The following ECT2 variants were observed in gnomAD, a reference collection of about 807,000 sequenced individuals.
The protein encoded by ECT2 is epithelial cell transforming 2, also known as protein ECT2.
ECT2 carries 61 observed loss-of-function variants against 116.9 expected under a neutral mutation model. The observed-to-expected ratio is 0.52, with a 90% CI of 0.42 to 0.65. ECT2 has a LOEUF of 0.65. Among genes scored for constraint, ECT2 ranks in the 30% least tolerant of loss-of-function variants. ECT2 has a pLI of 0.00. For missense variants in ECT2, 937 were observed against 1,078.7 expected (o/e 0.87, Z 1.84); for synonymous variants, 358 against 346.4 (o/e 1.03, Z -0.37).
intron 18 of ECT2, among the ~76,000 whole-genome samples, chr3:172,797,263 G>A (rs1187195683): frequency 2.0e-5 from 3 of 151,770 alleles, no homozygotes; most frequent in African/African-American, 7.2e-5. Context: ...TCAAACTCCA[G>A]GGTTCAAGCA....
At position 172,760,216 on chromosome 3, in the gene ECT2, A is replaced by C; in HGVS notation, c.637A>C (p.Lys213Gln). The C allele has an allele frequency of 6.2e-7, 1 of 1,612,464 alleles. No homozygotes were observed. The highest frequency in any genetic ancestry group is 8.5e-7 in the Non-Finnish European group (1 of 1,179,142). The change falls in exon 7 of 25, where the codon AAA becomes CAA. Residue 213 changes from lysine (K) to glutamine (Q), a missense_variant. Transcript: ENST00000392692. ...GGVIRKDFNS[K>Q]VTHLVANCTQ... ...AGTTATTCGAAAAGACTTTAATTCAAAAGTTACACATTTGGTGGCAAATTG... is the reference window on the plus strand; with the variant it reads ...AGTTATTCGAAAAGACTTTAATTCACAAGTTACACATTTGGTGGCAAATTG...
chr3:172,761,670 A>G lies in ECT2; in HGVS notation c.745A>G (p.Arg249Gly). ...KPEWIYKAWE[R>G]RNEQDFYAAV... is the part of the protein sequence containing the mutation. ...AGAATGGATTTATAAAGCTTGGGAA[A>G]GGCGGAATGAACAGTAAGTGTTTAG... The change falls in exon 8 of 25, where the codon AGG becomes GGG. Residue 249 changes from arginine to glycine, a missense_variant. Physicochemically the swap from Arg to Gly is moderately radical, Grantham distance 125. Coordinates refer to ENST00000392692, the MANE Select transcript of ECT2 (RefSeq NM_001258315.2). 1 of 1,609,426 alleles carries G rather than the reference A, an allele frequency of 6.2e-7. No individual in the cohort carries two copies. Among genetic ancestry groups the G allele is most frequent in the Non-Finnish European group, 8.5e-7 (1 of 1,176,498 alleles).
intron 18 of ECT2, among the ~76,000 whole-genome samples, chr3:172,801,486 G>A (rs1188418768): frequency 1.3e-5 from 2 of 152,084 alleles, no homozygotes; most frequent in Admixed American, 6.6e-5. Flanking sequence ...ATTTTTTAAC[G>A]TGTCTTCCCT....
At chr3:172,824,462 G>A (rs1160237557), downstream of ECT2, among the ~76,000 whole-genome samples, 1 of 152,086 alleles carries the variant, frequency 6.6e-6, no homozygotes, top group Non-Finnish European at 1.5e-5. Flanking sequence ...ACAGCACCAG[G>A]GGGATGGTGC....
intron 16 of ECT2, among the ~76,000 whole-genome samples, chr3:172,784,453 A>C (rs1448145519): frequency 6.6e-6 from 1 of 152,162 alleles, no homozygotes; most frequent in East Asian, 1.9e-4. Flanking sequence ...AGACTTAAGA[A>C]AAATTTAAGG....
chr3:172,768,549 TTA>T (rs1719975631), intron 12 of ECT2, among the ~76,000 whole-genome samples: 1 of 152,224 alleles, frequency 6.6e-6, no homozygotes, highest in Non-Finnish European at 1.5e-5. Context: ...TACTACATTA[TTA>T]TAGTAAGGAA....
chr3:172,771,578 G>A (rs1720644151), intron 13 of ECT2, among the ~76,000 whole-genome samples: 1 of 152,188 alleles, frequency 6.6e-6, no homozygotes, highest in African/African-American at 2.4e-5. Context: ...TACCAATCTA[G>A]AGAAGGCCTT....
chr3:172,790,433 A>G (rs1724451618), intron 18 of ECT2, among the ~76,000 whole-genome samples: 1 of 152,194 alleles, frequency 6.6e-6, no homozygotes, highest in Non-Finnish European at 1.5e-5. Flanking sequence ...GCTGAATCTA[A>G]AGTCTAGTGT....
At chr3:172,754,314 C>T in intron 1 of ECT2, 195 bp from the exon 2 acceptor site, 4 of 407,120 alleles carry the variant, frequency 9.8e-6, no homozygotes, top group East Asian at 4.5e-5. Context: ...TATTATATTC[C>T]TGTGAGTCAG....
chr3:172,764,873 G>A (rs1464344216), intron 12 of ECT2, among the ~76,000 whole-genome samples: 1 of 152,130 alleles, frequency 6.6e-6, no homozygotes. Context: ...GGAGAAAATA[G>A]GTAGAATGAA....
chr3:172,780,740 A>G (rs1485461572), intron 14 of ECT2, among the ~76,000 whole-genome samples: 1 of 152,102 alleles, frequency 6.6e-6, no homozygotes, highest in Non-Finnish European at 1.5e-5. Flanking sequence ...TTCTTAAATT[A>G]TAACCATCCT....
At chr3:172,796,228 G>C (rs1166404685) in intron 18 of ECT2, among the ~76,000 whole-genome samples, 2 of 152,210 alleles carry the variant, frequency 1.3e-5, no homozygotes, top group Non-Finnish European at 2.9e-5. Context: ...GAGGGTTTAT[G>C]AAGGCTGGGC....
chr3:172,777,148 A>AG (rs1721885994), intron 14 of ECT2, among the ~76,000 whole-genome samples: 1 of 152,180 alleles, frequency 6.6e-6, no homozygotes, highest in Non-Finnish European at 1.5e-5. Context: ...CTTAGATTAC[A>AG]CCACTGTGCT....
intron 18 of ECT2, chr3:172,796,343 G>A (rs938106778): frequency 2.6e-5 from 4 of 152,228 alleles, no homozygotes; most frequent in African/African-American, 7.2e-5. Flanking sequence ...TGCATTGATT[G>A]ATATAGGACC....
chr3:172,781,885 T>A (rs1283347832), intron 14 of ECT2, among the ~76,000 whole-genome samples: 1 of 152,170 alleles, frequency 6.6e-6, no homozygotes, highest in Non-Finnish European at 1.5e-5. Flanking sequence ...CCAATCAGCT[T>A]TATAGTTAAT....
At chr3:172,790,425 T>C (rs1724449982) in intron 18 of ECT2, among the ~76,000 whole-genome samples, 1 of 152,194 alleles carries the variant, frequency 6.6e-6, no homozygotes, top group Admixed American at 6.5e-5. Flanking sequence ...ACATCTCAGC[T>C]GAATCTAAAG....
In ECT2 at chr3:172,821,057, G is replaced by A. The variant is rs1214272703; in HGVS notation, c.*820G>A. On this transcript the variant is annotated 3_prime_UTR_variant, in exon 25 of 25. Transcript: ENST00000392692. ...CCATGGGAAAATTGTGGTAAAGACT[G>A]TTTGTACCCTTCATGAAATAATTCT... The A allele has an allele frequency of 6.6e-6, 1 of 151,864 alleles. No homozygotes were observed. Among genetic ancestry groups the A allele is most frequent in the African/African-American group, 2.4e-5 (1 of 41,410 alleles). The allele number at this position is 151,864 out of a possible 1,614,324, so 9.4% of individuals were successfully genotyped here. A position where few individuals can be genotyped will look rare whatever the true frequency, so the allele number is the denominator to read the frequency against.
At chr3:172,825,614 A>G (rs1012502266), downstream of ECT2, among the ~76,000 whole-genome samples, 1 of 152,234 alleles carries the variant, frequency 6.6e-6, no homozygotes, top group Admixed American at 6.5e-5. Context: ...CCCTTAAGCC[A>G]AAGCCTAATC....
intron 20 of ECT2, 90 bp from the exon 21 acceptor site, chr3:172,805,641 A>G (rs1181373763): frequency 4.0e-6 from 5 of 1,250,090 alleles, no homozygotes; most frequent in Admixed American, 4.7e-5. Flanking sequence ...TTATATATAG[A>G]TTTATGTGAT....
Sources: allele counts gnomAD v4.1 joint callset (sites outside exome capture counted in the v4.1 genomes callset), GRCh38; gene constraint gnomAD v4.1.1; transcripts MANE v1.5; gene names NCBI Gene and HGNC (gene_info 2026-07-23, HGNC 2026-07-21).